SRGAP2B: variants seen among roughly 807,000 people sequenced by gnomAD.
SRGAP2B encodes SLIT-ROBO Rho GTPase-activating protein 2B.
In SRGAP2B, 9 loss-of-function variants were observed where a neutral mutation model predicts 22.2. That is an observed-to-expected ratio of 0.41 (90% CI 0.24 to 0.71). The LOEUF is 0.71. SRGAP2B is among the 30% of genes least tolerant of loss of function. The probability of loss-of-function intolerance (pLI) is 0.35; values close to 1 mark genes in which losing one functional copy is unlikely to be tolerated. For missense variants in SRGAP2B, 114 were observed against 235.8 expected, an observed-to-expected ratio of 0.48 and a Z score of 3.38; for synonymous variants, 36 against 87.4, an observed-to-expected ratio of 0.41 and a Z score of 3.28.
At chr1:145,083,985 A>T (rs1368136530) in intron 2 of SRGAP2B, among the ~76,000 whole-genome samples, 3 of 130,226 alleles carry the variant, frequency 2.3e-5, no homozygotes, top group Non-Finnish European at 4.9e-5. Context: ...AATAGAGAGA[A>T]GGGTTATTTC....
At chr1:144,908,008 CAACT>C (rs1663117596) in intron 5 of SRGAP2B, among the ~76,000 whole-genome samples, 1 of 145,886 alleles carries the variant, frequency 6.9e-6, no homozygotes, top group Admixed American at 6.8e-5. Flanking sequence ...AAATACTTAA[CAACT>C]AATGGCGTTT....
chr1:145,067,387 C>A, intron 2 of SRGAP2B, among the ~76,000 whole-genome samples: 1 of 146,048 alleles, frequency 6.8e-6, no homozygotes, highest in Non-Finnish European at 1.5e-5. Flanking sequence ...GGTGCTTCAA[C>A]CTTTTGATTT....
intron 2 of SRGAP2B, among the ~76,000 whole-genome samples, chr1:145,005,408 G>A (rs1165820913): frequency 1.7e-4 from 25 of 151,034 alleles, no homozygotes; most frequent in African/African-American, 2.2e-4. Flanking sequence ...CAGACCCTAC[G>A]TTCCTGTAGA....
At chr1:144,917,622 T>C (rs1279074859) in intron 4 of SRGAP2B, among the ~76,000 whole-genome samples, 1 of 146,836 alleles carries the variant, frequency 6.8e-6, no homozygotes, top group Non-Finnish European at 1.5e-5. Flanking sequence ...TTTCATGTAC[T>C]GATGAGTTGG....
intron 3 of SRGAP2B, among the ~76,000 whole-genome samples, chr1:144,994,049 T>C (rs1252264533): frequency 6.7e-6 from 1 of 149,006 alleles, no homozygotes; most frequent in Non-Finnish European, 1.5e-5. Context: ...CTTCTTCCAA[T>C]GTGGCCCAGG....
At chr1:145,056,161 TACA>T (rs1394111919) in intron 2 of SRGAP2B, among the ~76,000 whole-genome samples, 11 of 12,324 alleles carry the variant, frequency 8.9e-4, no homozygotes, top group Non-Finnish European at 1.3e-3. Flanking sequence ...ATAACTCAAT[TACA>T]ACATTTCTCA....
chr1:144,996,077 C>T (rs1670654065), intron 2 of SRGAP2B, among the ~76,000 whole-genome samples: 1 of 151,080 alleles, frequency 6.6e-6, no homozygotes, highest in Admixed American at 6.6e-5. Flanking sequence ...ATGGAGCTAG[C>T]AAACACTCTC....
rs377335712 is a variant in SRGAP2B, at chr1:144,950,815, C to T, written c.423+4624G>A. Among the ~76,000 whole-genome samples, 48 of 150,856 alleles carry T rather than the reference C, an allele frequency of 3.2e-4. 5 individuals are homozygous for T. The East Asian group carries it at 3.7e-3, about 12-fold the overall frequency. ...CTAGAGCCAGGTGACTGGAGTTAAA[C>T]GTTAGCTTCATTTCGTTTTTCTTAA... On this transcript the variant is annotated intron_variant, in intron 4 of 9. Transcript: ENST00000612199.
chr1:145,008,910 G>T (rs1251201456), intron 2 of SRGAP2B, among the ~76,000 whole-genome samples: 3 of 150,004 alleles, frequency 2.0e-5, no homozygotes, highest in African/African-American at 7.5e-5. Context: ...GGTGGCTCAC[G>T]CCTATAATCC....
rs1449159541 is a variant in SRGAP2B at position 145,064,803 on chromosome 1, G to A, written c.67+28032C>T. Among the ~76,000 whole-genome samples the A allele has an allele frequency of 2.4e-4, 36 of 149,418 alleles. 1 individual carries two copies. Among genetic ancestry groups the A allele is most frequent in the African/African-American group, 9.1e-4 (36 of 39,738 alleles). On this transcript the variant is annotated intron_variant, in intron 2 of 9. Coordinates refer to ENST00000612199, the Ensembl canonical transcript of SRGAP2B. ...CTCAAATAGCCCAAAATGAATGAAA[G>A]AGATAATCATAATACACAGGGCTAC...
intron 4 of SRGAP2B, among the ~76,000 whole-genome samples, chr1:144,927,234 G>A (rs1217247559): frequency 6.7e-6 from 1 of 149,346 alleles, no homozygotes; most frequent in African/African-American, 2.5e-5. Context: ...ACAGGCATGA[G>A]CCACCGTGCC....
intron 5 of SRGAP2B, among the ~76,000 whole-genome samples, chr1:144,907,681 T>C (rs1403854610): frequency 6.7e-6 from 1 of 150,076 alleles, no homozygotes; most frequent in African/African-American, 2.5e-5. Context: ...TCAGGGATGC[T>C]GCTGAACATC....
At chr1:144,943,501 A>G (rs1327403373) in intron 4 of SRGAP2B, among the ~76,000 whole-genome samples, 2 of 151,270 alleles carry the variant, frequency 1.3e-5, no homozygotes, top group African/African-American at 2.5e-5. Context: ...AATTTAAAAG[A>G]TTATTCAAAA....
chr1:144,920,054 G>C (rs587734333), intron 4 of SRGAP2B, among the ~76,000 whole-genome samples: 4,878 of 150,438 alleles, frequency 0.032, 519 homozygotes, highest in African/African-American at 0.12. Context: ...CATTTTTACA[G>C]AGTGCTGATT....
intron 2 of SRGAP2B, among the ~76,000 whole-genome samples, chr1:145,017,809 G>C (rs1672537259): frequency 6.7e-6 from 1 of 150,262 alleles, no homozygotes; most frequent in African/African-American, 2.5e-5. Context: ...CAAAGCCTCA[G>C]AGTTAACTAT....
intron 4 of SRGAP2B, among the ~76,000 whole-genome samples, chr1:144,942,260 TTAATAA>T (rs879978222): frequency 2.0e-5 from 3 of 150,092 alleles, no homozygotes; most frequent in Non-Finnish European, 4.4e-5. Flanking sequence ...GCTGTGATTC[TTAATAA>T]TAACAAATTG....
Position 145,075,808 on chromosome 1 carries a change from C to A in SRGAP2B, c.67+17027G>T, listed in dbSNP as rs188164635. Among the ~76,000 whole-genome samples the A allele has an allele frequency of 1.1e-4, 16 of 148,812 alleles. No individual in the cohort carries two copies. The East Asian group carries it at 3.2e-3, about 30-fold the overall frequency. Reference sequence around the variant, plus strand: ...TTGCAATTTAAGAACTACTCTGAGGCCGGGCACGGTGGCTCACACCTGTAA... The same window carrying A: ...TTGCAATTTAAGAACTACTCTGAGGACGGGCACGGTGGCTCACACCTGTAA... On this transcript the variant is annotated intron_variant, in intron 2 of 9. Coordinates refer to ENST00000612199, the Ensembl canonical transcript of SRGAP2B.
rs1216732898 is a variant in SRGAP2B, at chr1:144,906,087, G to A, written c.487-13C>T. The A allele has an allele frequency of 5.6e-6, 4 of 708,034 alleles. No individual in the cohort carries two copies. The highest frequency in any genetic ancestry group is 1.0e-5 in the Non-Finnish European group (4 of 383,704). 43.9% of individuals were successfully genotyped at this position (708,034 alleles called of 1,614,324 possible). On this transcript the variant is annotated splice_polypyrimidine_tract_variant and intron_variant, in intron 5 of 9. Transcript: ENST00000612199. ...ATGTCTTCATGACCTGCAAGACATC[G>A]CCCACCCCCACCCCCAGAGGTCAAG...
chr1:145,040,844 C>A (rs587717144), intron 2 of SRGAP2B, among the ~76,000 whole-genome samples: 2,771 of 148,042 alleles, frequency 0.019, 56 homozygotes, highest in African/African-American at 0.067. Flanking sequence ...AGCCTGTTCA[C>A]ATCTTAGGTC....
Sources: allele counts gnomAD v4.1 joint callset (sites outside exome capture counted in the v4.1 genomes callset), GRCh38; gene constraint gnomAD v4.1.1; transcripts MANE v1.5; gene names NCBI Gene and HGNC (gene_info 2026-07-23, HGNC 2026-07-21).